Variants in FBXO10 observed in about 807,000 individuals in gnomAD.
FBXO10 encodes the protein F-box only protein 10.
Under a neutral mutation model 80.7 loss-of-function variants are expected in FBXO10, and 39 were observed. That is an observed-to-expected ratio of 0.48 (90% CI 0.37 to 0.63). The LOEUF (loss-of-function observed/expected upper bound fraction) is 0.63. Ranked by LOEUF, FBXO10 falls within the 30% of genes least tolerant of loss-of-function variation. The probability of loss-of-function intolerance (pLI) is 0.00; values close to 1 mark genes in which losing one functional copy is unlikely to be tolerated. For synonymous variants in FBXO10, 449 were observed against 489.6 expected (o/e 0.92, Z 1.09); for missense variants, 1,025 against 1,269.0 (o/e 0.81, Z 2.92).
chr9:37,530,798 C>T (rs1821602449), intron 4 of FBXO10, among the ~76,000 whole-genome samples: 2 of 152,082 alleles, frequency 1.3e-5, no homozygotes, highest in Non-Finnish European at 2.9e-5. Context: ...AGCTACCATG[C>T]CCAGCTAATT....
intron 1 of FBXO10, among the ~76,000 whole-genome samples, chr9:37,558,471 C>T (rs1287301119): frequency 2.0e-5 from 3 of 152,184 alleles, no homozygotes; most frequent in South Asian, 4.1e-4. Flanking sequence ...CCATAGTATC[C>T]AGCACTGACA....
chr9:37,522,483 C>T (rs898475852), intron 7 of FBXO10: 19 of 1,052,862 alleles, frequency 1.8e-5, no homozygotes, highest in East Asian at 7.8e-5. Context: ...TTATATTTTC[C>T]GTTCTCTGGG....
chr9:37,555,976 T>C (rs1365134759), intron 1 of FBXO10, among the ~76,000 whole-genome samples: 1 of 152,244 alleles, frequency 6.6e-6, no homozygotes. Context: ...TACATACTGT[T>C]CTATGATCCA....
chr9:37,553,796 TC>T (rs1822268568), intron 1 of FBXO10, among the ~76,000 whole-genome samples: 2 of 149,862 alleles, frequency 1.3e-5, no homozygotes, highest in Non-Finnish European at 3.0e-5. Context: ...ATGCCTGTAA[TC>T]CCAGCTACTT....
chr9:37,550,265 C>T (rs905662488), intron 1 of FBXO10, among the ~76,000 whole-genome samples: 67 of 142,158 alleles, frequency 4.7e-4, no homozygotes, highest in African/African-American at 8.1e-4. Context: ...TCACTGCAAC[C>T]TCCACCTCCC....
rs764790902 is a variant in FBXO10 at position 37,522,985 on chromosome 9, G to A, written c.1778-8C>T. ...TCTCACGGATGACATTTTCTATGGA[G>A]AGAAGCAGAAAAGAAGGTCAGTACC... On this transcript the variant is annotated splice_region_variant and splice_polypyrimidine_tract_variant and intron_variant, in intron 6 of 10. Coordinates refer to ENST00000432825, the MANE Select transcript of FBXO10 (RefSeq NM_012166.3). The A allele has an allele frequency of 1.3e-6, 2 of 1,588,454 alleles. No individual in the cohort carries two copies. The highest frequency in any genetic ancestry group is 1.7e-6 in the Non-Finnish European group (2 of 1,167,658).
chr9:37,525,298 G>A, intron 5 of FBXO10, 126 bp from the exon 6 acceptor site: 1 of 873,796 alleles, frequency 1.1e-6, no homozygotes, highest in Non-Finnish European at 1.8e-6. Context: ...GCCGGGTGTG[G>A]TGGTGTGCAC....
intron 1 of FBXO10, among the ~76,000 whole-genome samples, chr9:37,564,742 C>T (rs557053593): frequency 7.7e-4 from 117 of 152,282 alleles, no homozygotes; most frequent in Non-Finnish European, 1.5e-3. Flanking sequence ...AATGTCTGTA[C>T]CCCCACTGTA....
At chr9:37,568,365 T>G (rs907313832) in intron 1 of FBXO10, among the ~76,000 whole-genome samples, 10 of 151,816 alleles carry the variant, frequency 6.6e-5, no homozygotes, top group African/African-American at 2.2e-4. Flanking sequence ...GCCTGACTAA[T>G]TTTTGTATTT....
intron 1 of FBXO10, among the ~76,000 whole-genome samples, chr9:37,566,931 T>C (rs1194245664): frequency 6.6e-6 from 1 of 152,178 alleles, no homozygotes; most frequent in Non-Finnish European, 1.5e-5. Flanking sequence ...TGAGTGGGCT[T>C]GGAGCCATAA....
intron 3 of FBXO10, 130 bp from the exon 4 acceptor site, chr9:37,532,188 T>A: frequency 1.0e-6 from 1 of 977,540 alleles, no homozygotes; most frequent in Non-Finnish European, 1.5e-6. Context: ...GAGAAACGCC[T>A]CAATGCTGGC....
At position 37,541,642 on chromosome 9, in the gene FBXO10, T is replaced by C. The variant is rs1206842252; in HGVS notation, c.127A>G (p.Thr43Ala). ...WYELILSLDS[T>A]RWRQLCLGCT... ...CCCAGACACAGCTGCCGCCAGCGGG[T>C]GCTGTCGAGACTGAGGATCAGTTCA... The change falls in exon 2 of 11, where the codon ACC (threonine) becomes GCC (alanine). Residue 43 changes from threonine (T) to alanine (A), a missense_variant. Around this residue, in one of 3 missense-constraint regions of FBXO10, gnomAD observed 450 missense variants for 499.4 expected, o/e 0.90. Coordinates refer to ENST00000432825, the MANE Select transcript of FBXO10 (RefSeq NM_012166.3). The C allele has an allele frequency of 1.9e-5, 30 of 1,613,808 alleles. No homozygotes were observed. Among genetic ancestry groups the C allele is most frequent in the African/African-American group, 2.7e-5 (2 of 75,006 alleles).
At chr9:37,571,728 T>TATAC (rs1822763236) in intron 1 of FBXO10, among the ~76,000 whole-genome samples, 1 of 140,226 alleles carries the variant, frequency 7.1e-6, no homozygotes, top group African/African-American at 2.7e-5. Context: ...TATATATATA[T>TATAC]ATATATATAT....
chr9:37,517,627 G>A (rs2119050649), intron 9 of FBXO10, among the ~76,000 whole-genome samples: 1 of 138,252 alleles, frequency 7.2e-6, no homozygotes, highest in African/African-American at 3.3e-5. Context: ...GGAGGTGGGA[G>A]CTCAGGGACT....
intron 3 of FBXO10, among the ~76,000 whole-genome samples, chr9:37,532,335 C>T (rs1030720839): frequency 7.5e-6 from 1 of 134,072 alleles, no homozygotes; most frequent in African/African-American, 2.8e-5. Context: ...GGGTCTTGCT[C>T]TGTTGCCCAG....
At chr9:37,522,267 G>A (rs1445729762) in intron 7 of FBXO10, 1 of 786,732 alleles carries the variant, frequency 1.3e-6, no homozygotes, top group African/African-American at 1.9e-5. Context: ...TTTTAAATGG[G>A]GTTAATAACC....
chr9:37,553,039 T>A (rs1822243233), intron 1 of FBXO10, among the ~76,000 whole-genome samples: 1 of 151,316 alleles, frequency 6.6e-6, no homozygotes, highest in African/African-American at 2.4e-5. Flanking sequence ...TGTGTGTGTG[T>A]GTGTGTGTGT....
intron 6 of FBXO10, among the ~76,000 whole-genome samples, chr9:37,524,648 A>G (rs994148444): frequency 6.6e-6 from 1 of 152,182 alleles, no homozygotes; most frequent in South Asian, 2.1e-4. Flanking sequence ...AAGGCCCTAG[A>G]GAGGAGGCAT....
intron 1 of FBXO10, among the ~76,000 whole-genome samples, chr9:37,574,292 G>A (rs970806988): frequency 6.6e-6 from 1 of 152,160 alleles, no homozygotes; most frequent in South Asian, 2.1e-4. Context: ...AAGGAGGGAG[G>A]GAAGGAAGGG....
Sources: gnomAD v4.1 joint callset for allele counts (sites outside exome capture counted in the v4.1 genomes callset) on GRCh38, gnomAD v4.1.1 for gene constraint, gnomAD v4.1.1 regional missense constraint, MANE v1.5 for transcripts, NCBI Gene and HGNC (gene_info 2026-07-23, HGNC 2026-07-21) for gene names.